The following DLG2 variants were observed in gnomAD, a reference collection of about 807,000 sequenced individuals.
DLG2 encodes disks large homolog 2.
Under a neutral mutation model 132.5 loss-of-function variants are expected in DLG2, and 45 were observed. The observed-to-expected ratio is 0.34, with a 90% CI of 0.27 to 0.44. The LOEUF (loss-of-function observed/expected upper bound fraction) is 0.44, where lower values mean the gene tolerates loss of function less well. Among genes scored for constraint, DLG2 ranks in the 20% least tolerant of loss-of-function variants. The pLI is 1.00. For synonymous variants in DLG2, 424 were observed against 419.6 expected, an observed-to-expected ratio of 1.01 and a Z score of -0.13; for missense variants, 1,045 against 1,196.9, an observed-to-expected ratio of 0.87 and a Z score of 1.87.
chr11:84,474,859 G>T (rs2099117478), intron 7 of DLG2, among the ~76,000 whole-genome samples: 1 of 151,952 alleles, frequency 6.6e-6, no homozygotes, highest in South Asian at 2.1e-4. Context: ...ATCAAAGGGA[G>T]GTCATATTAA....
intron 12 of DLG2, among the ~76,000 whole-genome samples, chr11:83,965,717 G>C (rs983290521): frequency 2.0e-5 from 3 of 151,762 alleles, no homozygotes; most frequent in Non-Finnish European, 4.4e-5. Context: ...AGTATTTGTG[G>C]GAAGGAAAAT....
At chr11:85,319,880 G>GT (rs1306126333) in intron 3 of DLG2, among the ~76,000 whole-genome samples, 1 of 151,830 alleles carries the variant, frequency 6.6e-6, no homozygotes, top group African/African-American at 2.4e-5. Context: ...TTTCTAAGTA[G>GT]TTGAGATCTT....
At chr11:84,820,610 T>A (rs899783314) in intron 6 of DLG2, among the ~76,000 whole-genome samples, 11 of 151,942 alleles carry the variant, frequency 7.2e-5, no homozygotes, top group Non-Finnish European at 1.2e-4. Flanking sequence ...TGACATTCCC[T>A]GGACACCCAT....
At chr11:84,383,998 T>C (rs1004497318) in intron 7 of DLG2, among the ~76,000 whole-genome samples, 2 of 151,514 alleles carry the variant, frequency 1.3e-5, no homozygotes, top group Non-Finnish European at 2.9e-5. Context: ...CTGAAACTTT[T>C]ATACTCAAAT....
At chr11:83,780,959 T>C (rs1485552026) in intron 18 of DLG2, among the ~76,000 whole-genome samples, 1 of 152,144 alleles carries the variant, frequency 6.6e-6, no homozygotes, top group Non-Finnish European at 1.5e-5. Flanking sequence ...TCACAAACTC[T>C]AATGTGCATA....
chr11:84,277,361 C>T lies in DLG2; in HGVS notation c.520-26070G>A, dbSNP rs184245801. 3.3e-3 allele frequency among the ~76,000 whole-genome samples: 499 copies of T among 152,154 alleles called. 3 individuals carry two copies. Among genetic ancestry groups the T allele is most frequent in the Non-Finnish European group, 5.5e-3 (375 of 67,988 alleles). On this transcript the variant is annotated intron_variant, in intron 7 of 27. Coordinates refer to ENST00000376104, the MANE Select transcript of DLG2 (RefSeq NM_001142699.3). Reference sequence around the variant, plus strand: ...ATTTTCATAAATTTAAAAAGATTCACGTCACAGGAAATATAATCTCTGGCT... The same window carrying T: ...ATTTTCATAAATTTAAAAAGATTCATGTCACAGGAAATATAATCTCTGGCT...
chr11:83,772,782 T>C (rs1474322245), intron 18 of DLG2, among the ~76,000 whole-genome samples: 1 of 152,194 alleles, frequency 6.6e-6, no homozygotes, highest in Non-Finnish European at 1.5e-5. Context: ...TTTTTTCTTC[T>C]TTAAAATAAT....
intron 7 of DLG2, among the ~76,000 whole-genome samples, chr11:84,510,690 A>G (rs1022608693): frequency 8.5e-5 from 13 of 152,218 alleles, no homozygotes; most frequent in Non-Finnish European, 1.5e-5. Context: ...TTTACAATTA[A>G]TTATGATATT....
chr11:85,102,900 C>T (rs944831344), intron 6 of DLG2, among the ~76,000 whole-genome samples: 2 of 151,836 alleles, frequency 1.3e-5, no homozygotes, highest in Non-Finnish European at 2.9e-5. Flanking sequence ...TTCTAAAAAG[C>T]TATTAGAACT....
At chr11:84,374,776 A>C (rs192988857) in intron 7 of DLG2, among the ~76,000 whole-genome samples, 12 of 152,066 alleles carry the variant, frequency 7.9e-5, no homozygotes, top group African/African-American at 2.4e-4. Context: ...CTATATCAAA[A>C]CCTTTGCTGG....
chr11:84,461,972 T>C (rs2099081492), intron 7 of DLG2, among the ~76,000 whole-genome samples: 1 of 150,748 alleles, frequency 6.6e-6, no homozygotes, highest in East Asian at 2.0e-4. Flanking sequence ...GTTCAGATGA[T>C]AGGAAAAGAC....
intron 3 of DLG2, among the ~76,000 whole-genome samples, chr11:85,325,123 G>A (rs542925473): frequency 1.8e-3 from 242 of 133,036 alleles, no homozygotes; most frequent in African/African-American, 6.3e-3. Context: ...AGGGTCCTAC[G>A]CCCACGGAAT....
At chr11:84,271,114 G>A (rs185159903) in intron 7 of DLG2, among the ~76,000 whole-genome samples, 4 of 152,112 alleles carry the variant, frequency 2.6e-5, no homozygotes, top group African/African-American at 9.7e-5. Context: ...TTTATAAAGA[G>A]TTATTCTTAA....
intron 7 of DLG2, among the ~76,000 whole-genome samples, chr11:84,397,599 A>C (rs1400971722): frequency 6.6e-6 from 1 of 152,200 alleles, no homozygotes; most frequent in African/African-American, 2.4e-5. Flanking sequence ...TGGTAGTGAC[A>C]AAAATGGAAG....
chr11:84,962,742 T>C (rs2052763030), intron 6 of DLG2, among the ~76,000 whole-genome samples: 1 of 152,180 alleles, frequency 6.6e-6, no homozygotes, highest in Non-Finnish European at 1.5e-5. Context: ...CTCCTTATCA[T>C]ATGGCAAAAG....
chr11:85,361,898 G>T (rs191036653), intron 3 of DLG2, among the ~76,000 whole-genome samples: 196 of 152,236 alleles, frequency 1.3e-3, no homozygotes, highest in Non-Finnish European at 1.8e-3. Context: ...TGGACAGTGT[G>T]GTCATTTTAA....
intron 11 of DLG2, among the ~76,000 whole-genome samples, chr11:84,034,470 T>G (rs1010087774): frequency 6.6e-6 from 1 of 152,182 alleles, no homozygotes; most frequent in African/African-American, 2.4e-5. Flanking sequence ...GGTATGCATA[T>G]ATAAATTTTT....
chr11:84,273,942 G>A (rs988947292), intron 7 of DLG2, among the ~76,000 whole-genome samples: 1 of 152,048 alleles, frequency 6.6e-6, no homozygotes, highest in Admixed American at 6.6e-5. Context: ...GTAACTAGAA[G>A]AACTTTATGT....
At chr11:83,821,106 A>C (rs1222264711) in intron 17 of DLG2, among the ~76,000 whole-genome samples, 1 of 152,242 alleles carries the variant, frequency 6.6e-6, no homozygotes, top group African/African-American at 2.4e-5. Flanking sequence ...TGATGCAGAC[A>C]TAACGCTTAT....
Sources: allele counts gnomAD v4.1 joint callset (sites outside exome capture counted in the v4.1 genomes callset), GRCh38; gene constraint gnomAD v4.1.1; transcripts MANE v1.5; gene names NCBI Gene and HGNC (gene_info 2026-07-23, HGNC 2026-07-21).